The following STAU2 variants were observed in gnomAD, a reference collection of about 807,000 sequenced individuals.
The protein encoded by STAU2 is staufen double-stranded RNA binding protein 2, also known as double-stranded RNA-binding protein Staufen homolog 2.
Under a neutral mutation model 65.9 loss-of-function variants are expected in STAU2, and 20 were observed. The observed-to-expected ratio is 0.30, with a 90% CI of 0.21 to 0.44. STAU2 has a LOEUF of 0.44. Among genes scored for constraint, STAU2 ranks in the 20% least tolerant of loss-of-function variants. The pLI is 1.00. For missense variants in STAU2, 558 were observed against 683.9 expected (o/e 0.82, Z 2.05); for synonymous variants, 232 against 233.9 (o/e 0.99, Z 0.07).
chr8:73,707,381 T>C (rs2130635270), intron 4 of STAU2, among the ~76,000 whole-genome samples: 1 of 152,198 alleles, frequency 6.6e-6, no homozygotes, highest in African/African-American at 2.4e-5. Context: ...TTGGTAATGA[T>C]AAGGTCAAGA....
At chr8:73,685,824 G>A (rs936323747) in intron 5 of STAU2, among the ~76,000 whole-genome samples, 3 of 152,182 alleles carry the variant, frequency 2.0e-5, no homozygotes, top group African/African-American at 7.2e-5. Context: ...AGGAAAATAA[G>A]TCATTATATG....
At chr8:73,639,308 C>T (rs1301529016) in intron 6 of STAU2, among the ~76,000 whole-genome samples, 1 of 151,966 alleles carries the variant, frequency 6.6e-6, no homozygotes, top group African/African-American at 2.4e-5. Context: ...TTTGTGAATA[C>T]CCAGAAATTC....
chr8:73,617,498 T>G (rs1563460861), intron 6 of STAU2, 47 bp from the exon 7 acceptor site: 1 of 1,531,432 alleles, frequency 6.5e-7, no homozygotes. Context: ...ATAAAACCAC[T>G]CTATAATCAT....
rs1807251093 is a variant in STAU2, at chr8:73,550,415, C to T, written c.1530+1597G>A. The T allele has an allele frequency of 9.1e-6, 9 of 985,254 alleles. 1 individual carries two copies. In the South Asian group the frequency reaches 3.3e-4, roughly 36 times the overall value. The allele number at this position is 985,254 out of a possible 1,614,324, so 61.0% of individuals were successfully genotyped here. ...TTAAGACATTCTGGTAGCAAAATTACAGCTACTGTAACAACAGCTCCAAGC... is the reference window on the plus strand; with the variant it reads ...TTAAGACATTCTGGTAGCAAAATTATAGCTACTGTAACAACAGCTCCAAGC... On this transcript the variant is annotated intron_variant, in intron 13 of 14. Coordinates refer to ENST00000524300, the MANE Select transcript of STAU2 (RefSeq NM_001164380.2).
chr8:73,455,149 C>A (rs997834698), intron 13 of STAU2, among the ~76,000 whole-genome samples: 3 of 152,124 alleles, frequency 2.0e-5, no homozygotes, highest in Non-Finnish European at 4.4e-5. Context: ...CATCTGGATC[C>A]CATCTCCTCA....
intron 4 of STAU2, among the ~76,000 whole-genome samples, chr8:73,698,138 A>G (rs1819807963): frequency 6.6e-6 from 1 of 152,122 alleles, no homozygotes; most frequent in South Asian, 2.1e-4. Context: ...GTAACCTCAA[A>G]TCAAAAAACA....
intron 13 of STAU2, among the ~76,000 whole-genome samples, chr8:73,445,659 A>G (rs1435068964): frequency 6.6e-6 from 1 of 151,694 alleles, no homozygotes; most frequent in African/African-American, 2.4e-5. Flanking sequence ...TCAAAACTCA[A>G]CAGTGGAAAC....
intron 7 of STAU2, among the ~76,000 whole-genome samples, chr8:73,616,143 G>C (rs533311608): frequency 6.6e-6 from 1 of 152,190 alleles, no homozygotes; most frequent in East Asian, 1.9e-4. Context: ...GTTCTAATGT[G>C]ATCTATGAGG....
intron 6 of STAU2, among the ~76,000 whole-genome samples, chr8:73,617,710 C>T (rs1389676720): frequency 6.6e-6 from 1 of 152,110 alleles, no homozygotes; most frequent in African/African-American, 2.4e-5. Context: ...AATTATATCA[C>T]AGGATACTTC....
chr8:73,637,591 T>G (rs1299380683), intron 6 of STAU2, among the ~76,000 whole-genome samples: 1 of 151,588 alleles, frequency 6.6e-6, no homozygotes, highest in African/African-American at 2.4e-5. Flanking sequence ...TAAAGATGTT[T>G]TCAGTAAACA....
chr8:73,497,364 T>G (rs1053670612), intron 13 of STAU2, among the ~76,000 whole-genome samples: 2 of 151,742 alleles, frequency 1.3e-5, no homozygotes, highest in Admixed American at 1.3e-4. Flanking sequence ...AATTTCTGCT[T>G]TGTTTCATGT....
chr8:73,480,379 C>G (rs1820546265), intron 13 of STAU2, among the ~76,000 whole-genome samples: 1 of 152,166 alleles, frequency 6.6e-6, no homozygotes, highest in African/African-American at 2.4e-5. Context: ...AAGAAGCTCA[C>G]AACCTCATTA....
At chr8:73,735,405 G>T (rs1039835852) in intron 3 of STAU2, among the ~76,000 whole-genome samples, 1 of 152,078 alleles carries the variant, frequency 6.6e-6, no homozygotes, top group Admixed American at 6.5e-5. Flanking sequence ...TAACAAGAAG[G>T]GGGGGTCTCT....
At chr8:73,663,178 C>T (rs1202531967) in intron 6 of STAU2, among the ~76,000 whole-genome samples, 1 of 152,160 alleles carries the variant, frequency 6.6e-6, no homozygotes, top group Non-Finnish European at 1.5e-5. Context: ...CAAAAGCAGA[C>T]TATAAATAAG....
chr8:73,691,354 C>T (rs552470877), intron 4 of STAU2, among the ~76,000 whole-genome samples: 5 of 152,276 alleles, frequency 3.3e-5, no homozygotes, highest in East Asian at 1.9e-4. Flanking sequence ...CATAACTCTT[C>T]GTTGTAATTT....
chr8:73,562,044 T>C (rs992959892), intron 12 of STAU2, among the ~76,000 whole-genome samples: 6 of 152,224 alleles, frequency 3.9e-5, no homozygotes, highest in African/African-American at 1.4e-4. Flanking sequence ...CTTATATCTA[T>C]ACATTTAAGA....
At chr8:73,586,180 T>C (rs1233669120) in intron 11 of STAU2, among the ~76,000 whole-genome samples, 4 of 152,182 alleles carry the variant, frequency 2.6e-5, no homozygotes, top group African/African-American at 9.6e-5. Flanking sequence ...GCTTAGCAGA[T>C]GTGAGTAACT....
chr8:73,475,997 T>C (rs1820308157), intron 13 of STAU2, among the ~76,000 whole-genome samples: 1 of 152,212 alleles, frequency 6.6e-6, no homozygotes, highest in Non-Finnish European at 1.5e-5. Context: ...GCAGGGCCAA[T>C]AAATTACGTG....
At chr8:73,673,723 T>C (rs1817846981) in intron 5 of STAU2, among the ~76,000 whole-genome samples, 1 of 152,122 alleles carries the variant, frequency 6.6e-6, no homozygotes, top group Admixed American at 6.6e-5. Context: ...ATTTTTTCTA[T>C]AACCAACAAA....
Sources: allele counts gnomAD v4.1 joint callset (sites outside exome capture counted in the v4.1 genomes callset), GRCh38; gene constraint gnomAD v4.1.1; transcripts MANE v1.5; gene names NCBI Gene and HGNC (gene_info 2026-07-23, HGNC 2026-07-21).